The following LTA4H variants were observed in gnomAD, a reference collection of about 807,000 sequenced individuals.
LTA4H encodes the protein leukotriene A4 hydrolase.
Under a neutral mutation model 89.8 loss-of-function variants are expected in LTA4H, and 59 were observed. That is an observed-to-expected ratio of 0.66 (90% CI 0.53 to 0.82). The LOEUF is 0.82. Ranked by LOEUF, LTA4H falls within the 40% of genes least tolerant of loss-of-function variation. The probability of loss-of-function intolerance (pLI) is 0.00; values close to 1 mark genes in which losing one functional copy is unlikely to be tolerated. For missense variants in LTA4H, 617 were observed against 727.0 expected (o/e 0.85, Z 1.74); for synonymous variants, 227 against 253.1 (o/e 0.90, Z 0.98).
chr12:96,002,976 T>C lies in LTA4H; in HGVS notation c.1702A>G (p.Thr568Ala), dbSNP rs1435738897. The change falls in exon 18 of 19, where the codon ACC (threonine) becomes GCC (alanine). Residue 568 changes from threonine to alanine, a missense_variant. By Grantham distance (58) the Thr-to-Ala change is moderately conservative. Around this residue, in one of 3 missense-constraint regions of LTA4H, gnomAD observed 290 missense variants for 339.1 expected, o/e 0.86. Transcript: ENST00000228740. ...GGTTCTTACTTGAATAAGGGCCGGG[T>C]AAACTTCATTCTTCCTTGTTCAGTT... ...MATEQGRMKF[T>A]RPLFKDLAAF... 1.3e-6 allele frequency: 2 copies of C among 1,599,548 alleles called. No homozygotes were observed. Among genetic ancestry groups the C allele is most frequent in the South Asian group, 1.1e-5 (1 of 88,552 alleles).
At chr12:96,008,335 A>G (rs1259535866) in intron 15 of LTA4H, among the ~76,000 whole-genome samples, 8 of 152,166 alleles carry the variant, frequency 5.3e-5, no homozygotes, top group Non-Finnish European at 1.2e-4. Context: ...CTATTTTAGT[A>G]CATATATGAA....
chr12:96,019,991 C>T (rs1027530944), intron 6 of LTA4H, among the ~76,000 whole-genome samples: 4 of 151,650 alleles, frequency 2.6e-5, no homozygotes, highest in Non-Finnish European at 5.9e-5. Context: ...GCAGCCTCCA[C>T]CTCCTGGGCT....
chr12:96,028,975 A>G, intron 2 of LTA4H, 80 bp downstream of exon 2: 1 of 1,259,478 alleles, frequency 7.9e-7, no homozygotes, highest in Non-Finnish European at 1.1e-6. Context: ...TAAAATTTAA[A>G]AAGAAAAAAT....
At chr12:96,015,434 A>G (rs2136887247) in intron 11 of LTA4H, 149 bp downstream of exon 11, 2 of 632,356 alleles carry the variant, frequency 3.2e-6, no homozygotes, top group Non-Finnish European at 5.6e-6. Context: ...GTGTGGATCA[A>G]CACAGTGTTA....
intron 1 of LTA4H, among the ~76,000 whole-genome samples, chr12:96,029,714 A>G (rs547876036): frequency 6.6e-6 from 1 of 152,316 alleles, no homozygotes; most frequent in South Asian, 2.1e-4. Flanking sequence ...GGCCATATCT[A>G]CTTGCCATGG....
intron 9 of LTA4H, 120 bp downstream of exon 9, chr12:96,017,437 A>G: frequency 1.3e-6 from 1 of 793,068 alleles, no homozygotes; most frequent in South Asian, 1.8e-5. Flanking sequence ...ATAATGTGAG[A>G]AGAGTCCCCA....
chr12:96,011,397 C>A (rs1950299417), intron 14 of LTA4H: 1 of 152,174 alleles, frequency 6.6e-6, no homozygotes, highest in South Asian at 2.1e-4. Flanking sequence ...GCTTTCTTAA[C>A]AATGAACCTT....
Position 96,024,503 on chromosome 12 carries a change from A to G in LTA4H, c.456T>C (p.Ser152=). ...RAILPCQDTP[S]VKLTYTAEVS... is the part of the protein sequence containing the mutation. The stretch of plus-strand genomic sequence containing the variant: ...CCTCTGCAGTATAGGTTAATTTCAC[A>G]GAAGGAGTGTCCTGACAAGGAAGGA... The change falls in exon 4 of 19, where the codon TCT becomes TCC. Residue 152 remains serine (S), a synonymous_variant. Coordinates refer to ENST00000228740, the MANE Select transcript of LTA4H (RefSeq NM_000895.3). The G allele has an allele frequency of 6.2e-7, 1 of 1,611,408 alleles. No homozygotes were observed. The highest frequency in any genetic ancestry group is 8.5e-7 in the Non-Finnish European group (1 of 1,177,740).
In LTA4H at chr12:96,001,036, G is replaced by A; in HGVS notation, c.1789C>T (p.His597Tyr). 1 of 1,614,086 alleles carries A rather than the reference G, an allele frequency of 6.2e-7. No homozygotes were observed. Among genetic ancestry groups the A allele is most frequent in the Non-Finnish European group, 8.5e-7 (1 of 1,179,962 alleles). Residue 597 changes from histidine (H) to tyrosine (Y), a missense_variant, in exon 19 of 19, where the codon CAT becomes TAT. His to Tyr is a moderately conservative substitution (Grantham distance 83, BLOSUM62 2). Transcript: ENST00000228740. Reference protein sequence around the residue: ...RTYQEHKASMHPVTAMLVGKD... With the variant: ...RTYQEHKASMYPVTAMLVGKD... ...CCCACCAGCATTGCAGTCACGGGAT[G>A]CATGCTTGCTTTGTGCTCTTGGTAG...
upstream of LTA4H, among the ~76,000 whole-genome samples, chr12:96,038,190 A>G (rs1411058063): frequency 6.6e-6 from 1 of 152,144 alleles, no homozygotes; most frequent in Non-Finnish European, 1.5e-5. Flanking sequence ...GGTATGGTTC[A>G]ATTCTCTATC....
chr12:96,035,531 A>T lies in LTA4H; in HGVS notation c.-12T>A, dbSNP rs745316389. On this transcript the variant is annotated 5_prime_UTR_variant, in exon 1 of 19. Transcript: ENST00000228740. The stretch of plus-strand genomic sequence containing the variant: ...ACTATCTCGGGCATGGCTCTGGGGG[A>T]TCACACAGCACAGCGACCTACAGCC... 3.8e-6 allele frequency: 6 copies of T among 1,597,378 alleles called. No homozygotes were observed. The Admixed American group carries it at 8.7e-5, about 23-fold the overall frequency.
chr12:96,035,680 G>C (rs1950634575), upstream of LTA4H: 2 of 1,423,298 alleles, frequency 1.4e-6, no homozygotes, highest in African/African-American at 2.9e-5. Flanking sequence ...ACGAGCGTTG[G>C]GGGATGGGTG....
At chr12:96,038,969 A>C (rs1247163809), upstream of LTA4H, among the ~76,000 whole-genome samples, 2 of 151,870 alleles carry the variant, frequency 1.3e-5, no homozygotes, top group Non-Finnish European at 2.9e-5. Context: ...GTTTTCTGAG[A>C]TACCACTCAC....
At chr12:96,028,977 A>T (rs941768842) in intron 2 of LTA4H, 78 bp downstream of exon 2, 4 of 1,270,914 alleles carry the variant, frequency 3.1e-6, no homozygotes, top group Non-Finnish European at 4.2e-6. Flanking sequence ...AAATTTAAAA[A>T]GAAAAAATAT....
At chr12:96,006,278 C>T (rs1338087324) in intron 16 of LTA4H, 36 bp downstream of exon 16, 3 of 1,342,378 alleles carry the variant, frequency 2.2e-6, no homozygotes, top group Non-Finnish European at 3.2e-6. Context: ...GCCTTTCTGT[C>T]CATTTTAATT....
chr12:96,024,550 G>C lies in LTA4H; in HGVS notation c.412-3C>G, dbSNP rs752218691. ...AGGATTGCTCTGCAGTGGATGGCCT[G>C]AAAAAGGGAGAAACAAGAAGAAATA... On this transcript the variant is annotated splice_polypyrimidine_tract_variant and splice_region_variant and intron_variant, in intron 3 of 18. Coordinates refer to ENST00000228740, the MANE Select transcript of LTA4H (RefSeq NM_000895.3). 6.2e-5 allele frequency: 99 copies of C among 1,593,950 alleles called. No individual in the cohort carries two copies. The highest frequency in any genetic ancestry group is 8.2e-5 in the Non-Finnish European group (95 of 1,162,952).
intron 5 of LTA4H, 80 bp from the exon 6 acceptor site, chr12:96,021,217 A>G: frequency 1.9e-6 from 2 of 1,078,376 alleles, no homozygotes. Flanking sequence ...TTCATATTTA[A>G]AAGTAAGTAA....
intron 4 of LTA4H, among the ~76,000 whole-genome samples, chr12:96,023,851 T>C (rs1236191382): frequency 1.3e-5 from 2 of 152,220 alleles, no homozygotes; most frequent in East Asian, 3.8e-4. Flanking sequence ...TTTTAAAAGT[T>C]AAGTAAAAAT....
At chr12:96,018,952 T>C (rs1431738564) in intron 7 of LTA4H, 49 bp from the exon 8 acceptor site, 5 of 1,469,356 alleles carry the variant, frequency 3.4e-6, no homozygotes, top group Non-Finnish European at 3.7e-6. Flanking sequence ...ATCACCATTG[T>C]ACATTTCTTA....
Sources: allele counts gnomAD v4.1 joint callset (sites outside exome capture counted in the v4.1 genomes callset), GRCh38; gene constraint gnomAD v4.1.1; regional missense constraint gnomAD v4.1.1; transcripts MANE v1.5; gene names NCBI Gene and HGNC (gene_info 2026-07-23, HGNC 2026-07-21).